The following PTPRD variants were observed in gnomAD, a reference collection of about 807,000 sequenced individuals.
PTPRD encodes the protein receptor-type tyrosine-protein phosphatase delta.
In PTPRD, 34 loss-of-function variants were observed where a neutral mutation model predicts 214.5. The ratio of observed to expected loss-of-function variants is 0.16; its 90% CI spans 0.12 to 0.21. PTPRD has a LOEUF of 0.21. Among genes scored for constraint, PTPRD ranks in the 10% least tolerant of loss-of-function variants. The pLI, the probability that PTPRD is intolerant of heterozygous loss-of-function variation, is 1.00. For synonymous variants in PTPRD, 1,128 were observed against 845.7 expected (o/e 1.33, Z -5.79); for missense variants, 2,545 against 2,398.7 (o/e 1.06, Z -1.27).
rs559483135 is a variant in PTPRD at position 9,244,480 on chromosome 9, C to T, written c.-202-61117G>A. Among the ~76,000 whole-genome samples, 6 of 152,204 alleles carry T rather than the reference C, an allele frequency of 3.9e-5. No homozygotes were observed. The East Asian group carries it at 1.2e-3, about 30-fold the overall frequency. On this transcript the variant is annotated intron_variant, in intron 9 of 45. Coordinates refer to ENST00000381196, the MANE Select transcript of PTPRD (RefSeq NM_002839.4). ...CAGAACAGAGCCCTCAGAAATAATG[C>T]CACACATCTACAACTATCTGATCTT...
At chr9:9,018,858 G>A (rs1322077268) in intron 10 of PTPRD, 123 bp from the exon 11 acceptor site, 3 of 152,214 alleles carry the variant, frequency 2.0e-5, no homozygotes, top group African/African-American at 7.2e-5. Context: ...CCAACAAGAA[G>A]TGAAATTGTT....
At chr9:9,345,346 G>T (rs965994224) in intron 9 of PTPRD, among the ~76,000 whole-genome samples, 1 of 152,018 alleles carries the variant, frequency 6.6e-6, no homozygotes, top group Non-Finnish European at 1.5e-5. Context: ...ACAGCAGTAG[G>T]TTTTTGTTAA....
At chr9:9,607,883 T>A (rs942076958) in intron 7 of PTPRD, among the ~76,000 whole-genome samples, 19 of 151,752 alleles carry the variant, frequency 1.3e-4, no homozygotes, top group Non-Finnish European at 2.1e-4. Flanking sequence ...AAAAAAAAAA[T>A]TTAGAAAACG....
At chr9:9,513,357 A>T (rs904083107) in intron 8 of PTPRD, among the ~76,000 whole-genome samples, 2 of 151,974 alleles carry the variant, frequency 1.3e-5, no homozygotes, top group African/African-American at 2.4e-5. Flanking sequence ...TAAATTGATT[A>T]CTTTCCTATG....
At chr9:8,592,793 C>A (rs574506536) in intron 14 of PTPRD, among the ~76,000 whole-genome samples, 17 of 152,098 alleles carry the variant, frequency 1.1e-4, no homozygotes, top group Admixed American at 7.2e-4. Flanking sequence ...TAACATGCTG[C>A]GTGTTAATGC....
chr9:10,150,605 A>C (rs1334899559), intron 3 of PTPRD, among the ~76,000 whole-genome samples: 1 of 152,022 alleles, frequency 6.6e-6, no homozygotes, highest in Non-Finnish European at 1.5e-5. Context: ...ACATGTATAC[A>C]TATGTAACAA....
At chr9:9,223,589 A>T (rs988309440) in intron 9 of PTPRD, among the ~76,000 whole-genome samples, 55 of 152,054 alleles carry the variant, frequency 3.6e-4, no homozygotes, top group African/African-American at 9.7e-4. Context: ...TTTTTTTAAA[A>T]GTATTTTATG....
At position 9,783,285 on chromosome 9, in the gene PTPRD, T is replaced by C. The variant is rs529840283; in HGVS notation, c.-367-16434A>G. On this transcript the variant is annotated intron_variant, in intron 5 of 45. Coordinates refer to ENST00000381196, the MANE Select transcript of PTPRD (RefSeq NM_002839.4). ...CCAAGGTTTTAAAGTGAGCGTATTA[T>C]ACAGTGCAGTGAGGAAAATTTCCAA... Among the ~76,000 whole-genome samples the C allele has an allele frequency of 1.4e-4, 21 of 152,158 alleles. 1 individual carries two copies. The South Asian group carries it at 4.3e-3, about 32-fold the overall frequency.
chr9:8,561,866 T>C (rs1310784808), intron 14 of PTPRD, among the ~76,000 whole-genome samples: 2 of 152,034 alleles, frequency 1.3e-5, no homozygotes, highest in Admixed American at 6.6e-5. Context: ...ATCTAAATGT[T>C]TCCAGTGCCA....
At chr9:9,782,722 A>C (rs1180189741) in intron 5 of PTPRD, among the ~76,000 whole-genome samples, 1 of 152,162 alleles carries the variant, frequency 6.6e-6, no homozygotes, top group Non-Finnish European at 1.5e-5. Flanking sequence ...TCTTAATTAT[A>C]ACATTCTCTC....
Position 8,485,856 on chromosome 9 carries a change from A to G in PTPRD, c.2961T>C (p.Asp987=). Residue 987 remains aspartate, a synonymous_variant, in exon 28 of 46, where the codon GAT becomes GAC. Transcript: ENST00000381196. ...TTMTLTGLKP[D]TTYDVKVRAH... ...CACGTACTTTTACATCGTATGTGGT[A>G]TCTGGTTTTAAGCCAGTGAGTGTCA... 1 of 1,614,160 alleles carries G rather than the reference A, an allele frequency of 6.2e-7. No individual in the cohort carries two copies.
At chr9:8,940,283 T>TCC (rs71317386) in intron 11 of PTPRD, among the ~76,000 whole-genome samples, 2 of 101,228 alleles carry the variant, frequency 2.0e-5, no homozygotes, top group African/African-American at 1.0e-4. Flanking sequence ...CTCTCTCCTT[T>TCC]TTTTTTTTTT....
intron 5 of PTPRD, among the ~76,000 whole-genome samples, chr9:9,860,976 A>T (rs2062620995): frequency 6.6e-6 from 1 of 152,246 alleles, no homozygotes; most frequent in African/African-American, 2.4e-5. Flanking sequence ...GGATTATTAA[A>T]AAATAACAGA....
At chr9:8,741,566 C>CTTTTT (rs66547770) in intron 11 of PTPRD, among the ~76,000 whole-genome samples, 829 of 70,612 alleles carry the variant, frequency 0.012, 22 homozygotes, top group Non-Finnish European at 0.015. Flanking sequence ...TCAGGCATTT[C>CTTTTT]TTTTTTTTTT....
At chr9:9,275,874 G>C (rs1945430267) in intron 9 of PTPRD, among the ~76,000 whole-genome samples, 1 of 150,614 alleles carries the variant, frequency 6.6e-6, no homozygotes, top group Non-Finnish European at 1.5e-5. Context: ...TATAAAAGAA[G>C]GATTCTTCTA....
At chr9:8,410,172 G>A (rs1301800011) in intron 35 of PTPRD, among the ~76,000 whole-genome samples, 4 of 152,142 alleles carry the variant, frequency 2.6e-5, no homozygotes, top group African/African-American at 9.7e-5. Flanking sequence ...AGATGGGAAG[G>A]GCTATATTTT....
intron 11 of PTPRD, among the ~76,000 whole-genome samples, chr9:8,919,900 G>T (rs946383501): frequency 6.6e-6 from 1 of 151,852 alleles, no homozygotes. Context: ...AGATGTACAT[G>T]CATGTATGCA....
intron 10 of PTPRD, among the ~76,000 whole-genome samples, chr9:9,102,433 C>T (rs900126904): frequency 6.6e-6 from 1 of 152,160 alleles, no homozygotes; most frequent in South Asian, 2.1e-4. Context: ...TGGCTTCTTC[C>T]AAGTCATCCA....
intron 14 of PTPRD, among the ~76,000 whole-genome samples, chr9:8,601,551 C>G (rs1159691347): frequency 2.0e-5 from 3 of 152,162 alleles, no homozygotes; most frequent in Non-Finnish European, 2.9e-5. Flanking sequence ...GAGACAGACT[C>G]CATTTGTTTG....
Sources: allele counts gnomAD v4.1 joint callset (sites outside exome capture counted in the v4.1 genomes callset), GRCh38; gene constraint gnomAD v4.1.1; transcripts MANE v1.5; gene names NCBI Gene and HGNC (gene_info 2026-07-23, HGNC 2026-07-21).